Variants in STS observed in about 807,000 individuals in gnomAD.
STS encodes steroid sulfatase, also known as steryl-sulfatase.
A neutral mutation model predicts 26.8 loss-of-function variants in STS; 7 were observed. The ratio of observed to expected loss-of-function variants is 0.26; its 90% confidence interval spans 0.15 to 0.49. The LOEUF (loss-of-function observed/expected upper bound fraction) is 0.49, where lower values mean the gene tolerates loss of function less well. Among genes scored for constraint, STS ranks in the 20% least tolerant of loss-of-function variants. The pLI, the probability that STS is intolerant of heterozygous loss-of-function variation, is 0.98. For synonymous variants in STS, 199 were observed against 189.4 expected (o/e 1.05, Z -0.42); for missense variants, 434 against 465.6 (o/e 0.93, Z 0.63).
intron 1 of STS, among the ~76,000 whole-genome samples, chrX:7,181,552 A>G (rs761348780): frequency 1.8e-5 from 2 of 112,053 alleles, no homozygotes; most frequent in East Asian, 2.8e-4. Context: ...GTGCTGGTCC[A>G]GGTCTCACAG....
intron 8 of STS, among the ~76,000 whole-genome samples, chrX:7,322,485 C>T (rs757010833): frequency 8.9e-6 from 1 of 111,841 alleles, no homozygotes; most frequent in East Asian, 2.8e-4. Context: ...ACTGCAACCT[C>T]CACCTCCCGG....
At chrX:7,338,686 A>AT (rs1269095844) in intron 10 of STS, among the ~76,000 whole-genome samples, 1 of 111,810 alleles carries the variant, frequency 8.9e-6, no homozygotes, top group Non-Finnish European at 1.9e-5. Context: ...CCAACAACAA[A>AT]AAATAAATAA....
chrX:7,282,330 A>G (rs1349617364), intron 7 of STS, among the ~76,000 whole-genome samples: 3 of 111,684 alleles, frequency 2.7e-5, no homozygotes, highest in South Asian at 3.8e-4. Context: ...CCTCCTGAGT[A>G]GCTGGGACTG....
chrX:7,208,871 C>T (rs762569124), intron 2 of STS, among the ~76,000 whole-genome samples: 2 of 111,533 alleles, frequency 1.8e-5, no homozygotes, highest in African/African-American at 3.3e-5. Context: ...AATTCCTCTT[C>T]TTGCCTTCTC....
chrX:7,227,792 A>G lies in STS; in HGVS notation c.-4-25404A>G, dbSNP rs569801391. ...CAATACAGTATTGTCGACTGCTGATACAATGTTTGACTGCAGGTCTCTGGA... is the reference window on the plus strand; with the variant it reads ...CAATACAGTATTGTCGACTGCTGATGCAATGTTTGACTGCAGGTCTCTGGA... On this transcript the variant is annotated intron_variant, in intron 2 of 10. Transcript: ENST00000674429. 7.7e-4 allele frequency among the ~76,000 whole-genome samples: 86 copies of G among 111,971 alleles called. 1 individual carries two copies. Among genetic ancestry groups the G allele is most frequent in the African/African-American group, 2.7e-3 (83 of 30,857 alleles).
rs1351483185 is a variant in STS, at chrX:7,152,893, C to A, written c.-134+4810C>A. Among the ~76,000 whole-genome samples the A allele has an allele frequency of 2.7e-5, 3 of 112,226 alleles. No individual in the cohort carries two copies. In the East Asian group the frequency reaches 8.4e-4, roughly 31 times the overall value. On this transcript the variant is annotated intron_variant, in intron 1 of 10. Transcript: ENST00000674429. ...GTTAATAACAAGAAAGTAGAAATTC[C>A]AGCATCAGCTTTATAGCCTTCACTA...
chrX:7,258,835 G>T (rs1923574249), intron 5 of STS, among the ~76,000 whole-genome samples: 1 of 106,420 alleles, frequency 9.4e-6, no homozygotes, highest in Non-Finnish European at 1.9e-5. Context: ...AACATTCAAG[G>T]AACAAAATTA....
rs748501707 is a variant in STS at position 7,159,053 on chromosome X, G to T, written c.-134+10970G>T. Among the ~76,000 whole-genome samples the T allele has an allele frequency of 2.6e-4, 29 of 111,397 alleles. No homozygotes were observed. The East Asian group carries it at 7.0e-3, about 27-fold the overall frequency. ...TTTGAGTGCCTACTGAGAGCCAGAG[G>T]CACACAAAATAATTAGAAATAAGCA... On this transcript the variant is annotated intron_variant, in intron 1 of 10. Coordinates refer to ENST00000674429, the MANE Select transcript of STS (RefSeq NM_001320752.2).
chrX:7,165,831 A>T (rs748915911), intron 1 of STS, among the ~76,000 whole-genome samples: 1 of 110,773 alleles, frequency 9.0e-6, no homozygotes, highest in Non-Finnish European at 1.9e-5. Context: ...CATAAGTTGT[A>T]ACAACCAAAA....
intron 2 of STS, among the ~76,000 whole-genome samples, chrX:7,200,025 A>G (rs1166173665): frequency 9.5e-6 from 1 of 105,664 alleles, no homozygotes; most frequent in Non-Finnish European, 1.9e-5. Flanking sequence ...TACAAACCAC[A>G]CATTTGAAGT....
intron 10 of STS, 93 bp downstream of exon 10, chrX:7,334,200 C>A: frequency 8.9e-7 from 1 of 1,125,856 alleles, no homozygotes; most frequent in South Asian, 1.8e-5. Context: ...TGGCTCTGCT[C>A]AATGGAGGCC....
chrX:7,286,068 A>G (rs893310971), intron 7 of STS, among the ~76,000 whole-genome samples: 5 of 112,143 alleles, frequency 4.5e-5, no homozygotes, highest in African/African-American at 1.6e-4. Flanking sequence ...TTTCACACTG[A>G]TGTTTTTCTT....
intron 1 of STS, 79 bp downstream of exon 1, chrX:7,148,162 A>ACCCG: frequency 1.1e-6 from 1 of 913,235 alleles, no homozygotes. Context: ...GTGCGCGCGC[A>ACCCG]CCCGCCCGCC....
intron 2 of STS, among the ~76,000 whole-genome samples, chrX:7,217,764 C>T (rs1226014724): frequency 1.8e-5 from 2 of 111,411 alleles, no homozygotes; most frequent in East Asian, 2.8e-4. Context: ...AGAGTCCCTT[C>T]CCCAGGGCCC....
chrX:7,340,075 G>T (rs1053178775), intron 10 of STS, among the ~76,000 whole-genome samples: 2 of 103,550 alleles, frequency 1.9e-5, no homozygotes, highest in Non-Finnish European at 3.9e-5. Context: ...AAAAAAAAGC[G>T]CCAAAAAACT....
chrX:7,345,734 G>A (rs982362647), intron 10 of STS, among the ~76,000 whole-genome samples: 9 of 111,617 alleles, frequency 8.1e-5, no homozygotes, highest in Admixed American at 2.9e-4. Flanking sequence ...TTCACCACTC[G>A]GTCAGTGCCG....
intron 1 of STS, among the ~76,000 whole-genome samples, chrX:7,166,147 A>G (rs1265782397): frequency 9.1e-6 from 1 of 109,426 alleles, no homozygotes; most frequent in Non-Finnish European, 1.9e-5. Context: ...AGCTAGGGCT[A>G]CAGGTGCATA....
chrX:7,334,212 A>G, intron 10 of STS, 105 bp downstream of exon 10: 1 of 1,086,493 alleles, frequency 9.2e-7, no homozygotes, highest in Non-Finnish European at 1.3e-6. Context: ...ATGGAGGCCA[A>G]CAGGTGCCTC....
intron 8 of STS, among the ~76,000 whole-genome samples, chrX:7,305,784 C>T (rs954298735): frequency 3.6e-5 from 4 of 111,787 alleles, no homozygotes; most frequent in African/African-American, 1.3e-4. Context: ...CCTTCACTTA[C>T]TCTGACACCC....
Sources: gnomAD v4.1 joint callset for allele counts (sites outside exome capture counted in the v4.1 genomes callset) on GRCh38, gnomAD v4.1.1 for gene constraint, MANE v1.5 for transcripts, NCBI Gene and HGNC (gene_info 2026-07-23, HGNC 2026-07-21) for gene names.